The following MYO15A variants were observed in gnomAD, a reference collection of about 807,000 sequenced individuals.
MYO15A encodes the protein unconventional myosin-XV.
A neutral mutation model predicts 394.6 loss-of-function variants in MYO15A; 308 were observed. The ratio of observed to expected loss-of-function variants is 0.78; its 90% confidence interval spans 0.71 to 0.86. The LOEUF (loss-of-function observed/expected upper bound fraction) is 0.86, where lower values mean the gene tolerates loss of function less well. Among genes scored for constraint, MYO15A ranks in the 40% least tolerant of loss-of-function variants. MYO15A has a pLI of 0.00. For missense variants in MYO15A, 4,606 were observed against 4,799.1 expected (o/e 0.96, Z 1.19); for synonymous variants, 1,957 against 2,003.8 (o/e 0.98, Z 0.62).
intron 16 of MYO15A, 89 bp from the exon 17 acceptor site, chr17:18,138,026 C>T: frequency 1.4e-5 from 21 of 1,481,742 alleles, no homozygotes; most frequent in Non-Finnish European, 1.9e-5. Flanking sequence ...TGCTGCTGGC[C>T]AGGCTCCTTC....
Position 18,136,677 on chromosome 17 carries a change from T to C in MYO15A, c.4770T>C (p.Tyr1590=). ...TGTCCATCGCCATCCTGGACATCTATGGTTTCGAGGTGGGGCCGTGTAGGA... is the reference window on the plus strand; with the variant it reads ...TGTCCATCGCCATCCTGGACATCTACGGTTTCGAGGTGGGGCCGTGTAGGA... ...DTLSIAILDI[Y]GFEDLSFNSF... is the part of the protein sequence containing the mutation. The change falls in exon 15 of 66, where the codon TAT becomes TAC. Residue 1590 remains tyrosine (Y), a synonymous_variant. Transcript: ENST00000647165. 2 of 1,606,904 alleles carry C rather than the reference T, an allele frequency of 1.2e-6. No homozygotes were observed. Among genetic ancestry groups the C allele is most frequent in the Non-Finnish European group, 1.7e-6 (2 of 1,177,926 alleles).
At chr17:18,176,759 C>T (rs2047020065) in intron 65 of MYO15A, 1 of 152,148 alleles carries the variant, frequency 6.6e-6, no homozygotes, top group South Asian at 2.1e-4. Flanking sequence ...TGGTCTCAAA[C>T]TCCTGGCCTC....
At chr17:18,175,580 G>C (rs1037651699) in intron 65 of MYO15A, among the ~76,000 whole-genome samples, 2 of 151,946 alleles carry the variant, frequency 1.3e-5, no homozygotes, top group East Asian at 3.9e-4. Context: ...ACATGTGTAA[G>C]CCACCACTCC....
In MYO15A at chr17:18,120,191, A is replaced by G. The variant is rs375641004; in HGVS notation, c.1391A>G (p.Asp464Gly). The change falls in exon 2 of 66, where the codon GAT (aspartate) becomes GGT (glycine). Residue 464 changes from aspartate (D) to glycine (G), a missense_variant. Physicochemically the swap from Asp to Gly is moderately conservative, Grantham distance 94 (BLOSUM62 -1). Coordinates refer to ENST00000647165, the MANE Select transcript of MYO15A (RefSeq NM_016239.4). The stretch of plus-strand genomic sequence containing the variant: ...GCCTTCTTCGAGCAGCAAGGCATGG[A>G]TAAGCCCGCCAGGTCCAAGCTGTCC... ...SAAFFEQQGM[D>G]KPARSKLSLI... 1.9e-6 allele frequency: 3 copies of G among 1,612,778 alleles called. No individual in the cohort carries two copies. Among genetic ancestry groups the G allele is most frequent in the Non-Finnish European group, 2.5e-6 (3 of 1,180,002 alleles).
intron 1 of MYO15A, chr17:18,109,538 C>T (rs754983666): frequency 2.0e-5 from 3 of 152,384 alleles, no homozygotes; most frequent in Admixed American, 6.5e-5. Flanking sequence ...GAAGTGGCAG[C>T]TTGCGGTGCC....
rs200088596 is a variant in MYO15A, at chr17:18,119,349, T to C, written c.549T>C (p.Pro183=). 1.1e-4 allele frequency: 172 copies of C among 1,608,972 alleles called. No homozygotes were observed. In the Admixed American group the frequency reaches 2.8e-3, roughly 26 times the overall value. The part of the protein sequence containing the change: ...PFPSGAEILR[P]GGRLRRFPRS... Reference sequence around the variant, plus strand: ...CGTCGGGTGCCGAGATCCTGCGGCCTGGGGGCCGGCTCCGGAGGTTCCCCC... The same window carrying C: ...CGTCGGGTGCCGAGATCCTGCGGCCCGGGGGCCGGCTCCGGAGGTTCCCCC... Residue 183 remains proline (P), a synonymous_variant, in exon 2 of 66, where the codon CCT becomes CCC. Coordinates refer to ENST00000647165, the MANE Select transcript of MYO15A (RefSeq NM_016239.4).
Position 18,117,925 on chromosome 17 carries a change from C to A in MYO15A, c.-219-657C>A, listed in dbSNP as rs1178356379. On this transcript the variant is annotated intron_variant, in intron 1 of 65. Coordinates refer to ENST00000647165, the MANE Select transcript of MYO15A (RefSeq NM_016239.4). This position sits in a 1 kb window ranked among gnomAD's most constrained non-coding sequence, Gnocchi z 4.1. ...GAAGGAGATGGGGCATAGCTTATCA[C>A]TCCCATTCTTCAGAGGAAACTGAGG... is the stretch of plus-strand genomic sequence containing the variant. 6.6e-6 allele frequency among the ~76,000 whole-genome samples: 1 copy of A among 152,168 alleles called. No individual in the cohort carries two copies. The highest frequency in any genetic ancestry group is 2.4e-5 in the African/African-American group (1 of 41,434).
At chr17:18,167,835 A>C in intron 62 of MYO15A, 112 bp downstream of exon 62, 1 of 1,480,374 alleles carries the variant, frequency 6.8e-7, no homozygotes, top group Non-Finnish European at 9.2e-7. Flanking sequence ...CTCCCCTCTT[A>C]TACCAGTGGG....
intron 12 of MYO15A, among the ~76,000 whole-genome samples, chr17:18,134,343 C>T (rs1352204344): frequency 6.6e-6 from 1 of 152,138 alleles, no homozygotes; most frequent in East Asian, 1.9e-4. Flanking sequence ...GTTCATTTAT[C>T]AATATTTTCT....
chr17:18,161,463 G>A lies in MYO15A; in HGVS notation c.9517+16G>A, dbSNP rs1342162341. ...CCCTTTCAGGGTGAGAGGTCAATGA[G>A]TGGGAACCCAGGGCTGCATGCTTCT... On this transcript the variant is annotated intron_variant, in intron 57 of 65. Coordinates refer to ENST00000647165, the MANE Select transcript of MYO15A (RefSeq NM_016239.4). The A allele has an allele frequency of 6.2e-7, 1 of 1,612,910 alleles. No homozygotes were observed. The highest frequency in any genetic ancestry group is 8.5e-7 in the Non-Finnish European group (1 of 1,180,020).
intron 65 of MYO15A, among the ~76,000 whole-genome samples, chr17:18,174,767 C>T (rs1344032569): frequency 6.6e-6 from 1 of 152,196 alleles, no homozygotes; most frequent in African/African-American, 2.4e-5. Flanking sequence ...CACACGTCTG[C>T]CCTGTCCAGC....
chr17:18,114,658 C>G (rs775351361), intron 1 of MYO15A, among the ~76,000 whole-genome samples: 2 of 152,166 alleles, frequency 1.3e-5, no homozygotes, highest in Admixed American at 6.5e-5. Context: ...CTCTAAGGAG[C>G]TGCATCCATT....
Position 18,117,829 on chromosome 17 carries a change from C to T in MYO15A, c.-219-753C>T, listed in dbSNP as rs1428645220. Among the ~76,000 whole-genome samples the T allele has an allele frequency of 6.6e-6, 1 of 152,198 alleles. No homozygotes were observed. Among genetic ancestry groups the T allele is most frequent in the Non-Finnish European group, 1.5e-5 (1 of 68,036 alleles). On this transcript the variant is annotated intron_variant, in intron 1 of 65. Transcript: ENST00000647165. This position sits in a 1 kb window ranked among gnomAD's most constrained non-coding sequence, Gnocchi z 4.1. ...AGGAGAGGACAGGGCTAGGCAGGGA[C>T]CCCAGAAAGGAGCCAGCAGGAGGCA...
intron 63 of MYO15A, 104 bp from the exon 64 acceptor site, chr17:18,172,053 T>G (rs1189490806): frequency 1.6e-5 from 25 of 1,588,434 alleles, no homozygotes; most frequent in Non-Finnish European, 2.1e-5. Flanking sequence ...CAAGGGCTTC[T>G]GCACTGGCTG....
chr17:18,171,913 A>C, intron 63 of MYO15A, 142 bp downstream of exon 63: 1 of 1,388,978 alleles, frequency 7.2e-7, no homozygotes, highest in African/African-American at 1.4e-5. Context: ...CCTGGAGAAA[A>C]CATGTCTTTA....
rs140029076 is a variant in MYO15A at position 18,161,408 on chromosome 17, C to T, written c.9478C>T (p.Leu3160Phe). ...CCTCCACCCACACCTCACTCGCTTC[C>T]TCCAAGACGTGAGCCGGACCCCAGG... ...EVLHPHLTRF[L>F]QDVSRTPGLP... The change falls in exon 57 of 66, where the codon CTC becomes TTC. Residue 3160 changes from leucine to phenylalanine, a missense_variant. By Grantham distance (22) the Leu-to-Phe change is conservative. Around this residue, in one of 2 missense-constraint regions of MYO15A, gnomAD observed 2,776 missense variants for 3,109.3 expected, o/e 0.89. Transcript: ENST00000647165. The T allele has an allele frequency of 8.2e-3, 13,291 of 1,614,082 alleles. 73 individuals carry two copies. The highest frequency in any genetic ancestry group is 9.2e-3 in the Middle Eastern group (56 of 6,062).
chr17:18,119,007 G>A lies in MYO15A; in HGVS notation c.207G>A (p.Lys69=), dbSNP rs371411411. ...FFWGLHTGPQ[K]TKRKRKARTV... ...GGGGCCTCCACACCGGCCCCCAGAA[G>A]ACCAAGCGCAAGAGGAAGGCCCGCA... is the stretch of plus-strand genomic sequence containing the variant. Residue 69 remains lysine, a synonymous_variant, in exon 2 of 66, where the codon AAG becomes AAA. Transcript: ENST00000647165. 1.9e-6 allele frequency: 3 copies of A among 1,612,730 alleles called. No homozygotes were observed. The African/African-American group carries it at 4.0e-5, about 22-fold the overall frequency.
Position 18,148,964 on chromosome 17 carries a change from TG to T in MYO15A, c.6956+17del. ...GGAGGCCCCAAAGTGTAGGTAGCTATGGGGGACCCCCTCACAGATGGCCACT... is the reference window on the plus strand; with the variant it reads ...GGAGGCCCCAAAGTGTAGGTAGCTATGGGGACCCCCTCACAGATGGCCACT... On this transcript the variant is annotated intron_variant, in intron 33 of 65. Transcript: ENST00000647165. The surrounding 1 kb of genome is among the most constrained non-coding windows in gnomAD (Gnocchi z 4.8). The T allele has an allele frequency of 6.3e-7, 1 of 1,578,392 alleles. No individual in the cohort carries two copies. Among genetic ancestry groups the T allele is most frequent in the South Asian group, 1.2e-5 (1 of 86,590 alleles).
In MYO15A at chr17:18,138,365, T is replaced by C. The variant is rs528683158; in HGVS notation, c.5007+119T>C. 2.4e-4 allele frequency: 315 copies of C among 1,300,670 alleles called. 1 individual carries two copies. The highest frequency in any genetic ancestry group is 3.3e-4 in the Non-Finnish European group (308 of 930,654). The allele number at this position is 1,300,670 out of a possible 1,614,324, so 80.6% of individuals were successfully genotyped here. ...TGGCCTGAGTCAGGCAGTGGGGGGT[T>C]GGGACACCCGACCTACTATTCACAA... On this transcript the variant is annotated intron_variant, in intron 17 of 65. Coordinates refer to ENST00000647165, the MANE Select transcript of MYO15A (RefSeq NM_016239.4).
Sources: allele counts gnomAD v4.1 joint callset (sites outside exome capture counted in the v4.1 genomes callset), GRCh38; gene constraint gnomAD v4.1.1; regional missense constraint gnomAD v4.1.1; non-coding constraint Gnocchi (gnomAD v3.1); transcripts MANE v1.5; gene names NCBI Gene and HGNC (gene_info 2026-07-23, HGNC 2026-07-21).